The following GLIS1 variants were observed in gnomAD, a reference collection of about 807,000 sequenced individuals.
GLIS1 encodes the protein zinc finger protein GLIS1.
Under a neutral mutation model 63.8 loss-of-function variants are expected in GLIS1, and 24 were observed. The observed-to-expected ratio is 0.38, with a 90% CI of 0.27 to 0.53. GLIS1 has a LOEUF of 0.53. Among genes scored for constraint, GLIS1 ranks in the 20% least tolerant of loss-of-function variants. GLIS1 has a pLI of 0.85. For synonymous variants in GLIS1, 450 were observed against 482.5 expected (o/e 0.93, Z 0.88); for missense variants, 1,036 against 1,074.1 (o/e 0.96, Z 0.50).
intron 2 of GLIS1, among the ~76,000 whole-genome samples, chr1:53,713,816 G>C (rs1416978149): frequency 6.6e-6 from 1 of 152,228 alleles, no homozygotes; most frequent in Non-Finnish European, 1.5e-5. Flanking sequence ...GTAAAGGAAA[G>C]AGATAAAGGA....
intron 4 of GLIS1, among the ~76,000 whole-genome samples, chr1:53,552,236 C>T (rs1276483057): frequency 6.6e-6 from 1 of 152,140 alleles, no homozygotes; most frequent in Non-Finnish European, 1.5e-5. Context: ...ACCACACACC[C>T]CAACCCTAAG....
In GLIS1 at chr1:53,528,559, C is replaced by T. The variant is rs1231809188; in HGVS notation, c.1482+1232G>A. Among the ~76,000 whole-genome samples, 11 of 152,164 alleles carry T rather than the reference C, an allele frequency of 7.2e-5. No individual in the cohort carries two copies. In the East Asian group the frequency reaches 1.9e-3, roughly 27 times the overall value. On this transcript the variant is annotated intron_variant, in intron 5 of 10. Coordinates refer to ENST00000628545, the MANE Select transcript of GLIS1 (RefSeq NM_001367484.1). ...GATATACAGAGTGTCCCCCCCAGGG[C>T]CTGGCCTGGCCCCAAGAACATTGCT...
At chr1:53,612,534 C>G (rs1645435266) in intron 2 of GLIS1, among the ~76,000 whole-genome samples, 1 of 152,000 alleles carries the variant, frequency 6.6e-6, no homozygotes, top group Non-Finnish European at 1.5e-5. Context: ...GCCACCGCGC[C>G]TGGCCTGTTA....
rs1453982992 is a variant in GLIS1, at chr1:53,598,268, C to T, written c.437+1833G>A. 6.6e-6 allele frequency among the ~76,000 whole-genome samples: 1 copy of T among 152,182 alleles called. No individual in the cohort carries two copies. The highest frequency in any genetic ancestry group is 2.4e-5 in the African/African-American group (1 of 41,434). On this transcript the variant is annotated intron_variant, in intron 3 of 10. Coordinates refer to ENST00000628545, the MANE Select transcript of GLIS1 (RefSeq NM_001367484.1). The surrounding 1 kb of genome is among the most constrained non-coding windows in gnomAD (Gnocchi z 4.6). Reference sequence around the variant, plus strand: ...GTTCTTATAAGAAATGAGGGCCGGGCACGGTGGCTCACGCCTGTAATCCCA... The same window carrying T: ...GTTCTTATAAGAAATGAGGGCCGGGTACGGTGGCTCACGCCTGTAATCCCA...
intron 2 of GLIS1, among the ~76,000 whole-genome samples, chr1:53,707,198 A>C (rs1269945248): frequency 6.6e-6 from 1 of 152,156 alleles, no homozygotes; most frequent in East Asian, 1.9e-4. Context: ...AGAGGGGAGA[A>C]AGAAGATAAG....
At chr1:53,662,737 C>A (rs940724730) in intron 2 of GLIS1, among the ~76,000 whole-genome samples, 2 of 152,130 alleles carry the variant, frequency 1.3e-5, no homozygotes, top group African/African-American at 4.8e-5. Context: ...ACCTATGCCT[C>A]CTTCCCCACC....
chr1:53,599,984 C>G (rs1165591954), intron 3 of GLIS1, 117 bp downstream of exon 3: 1 of 505,666 alleles, frequency 2.0e-6, no homozygotes, highest in Non-Finnish European at 3.1e-6. Flanking sequence ...AGCTACGGGC[C>G]CCTCGTGCCT....
intron 6 of GLIS1, among the ~76,000 whole-genome samples, chr1:53,521,816 G>A (rs1011232713): frequency 6.6e-6 from 1 of 152,358 alleles, no homozygotes; most frequent in Middle Eastern, 3.4e-3. Flanking sequence ...GGAACAGGGT[G>A]AGGCCTTCAG....
intron 4 of GLIS1, among the ~76,000 whole-genome samples, chr1:53,564,956 G>A (rs1213534923): frequency 6.6e-6 from 1 of 151,790 alleles, no homozygotes; most frequent in African/African-American, 2.4e-5. Flanking sequence ...TTGATCTACT[G>A]AACAAAAACA....
At chr1:53,620,152 A>T (rs1645527404) in intron 2 of GLIS1, among the ~76,000 whole-genome samples, 1 of 152,220 alleles carries the variant, frequency 6.6e-6, no homozygotes, top group Admixed American at 6.5e-5. Flanking sequence ...TCATACCAGG[A>T]TTCGATGCAG....
chr1:53,665,544 G>A (rs561663853), intron 2 of GLIS1, among the ~76,000 whole-genome samples: 2 of 152,292 alleles, frequency 1.3e-5, no homozygotes, highest in African/African-American at 4.8e-5. Context: ...AGCTACTCAG[G>A]AGGCTGAGGG....
chr1:53,714,871 T>C (rs1419801991), intron 2 of GLIS1, among the ~76,000 whole-genome samples: 1 of 152,224 alleles, frequency 6.6e-6, no homozygotes, highest in Non-Finnish European at 1.5e-5. Context: ...CCATGGAGTT[T>C]TCCTTCTTAA....
chr1:53,733,916 G>A (rs751523250), intron 2 of GLIS1: 8 of 985,284 alleles, frequency 8.1e-6, no homozygotes, highest in African/African-American at 1.7e-5. Flanking sequence ...TTCTATGAGG[G>A]ATGCGCTAGC....
chr1:53,674,090 T>C (rs997618585), intron 2 of GLIS1, among the ~76,000 whole-genome samples: 3 of 150,832 alleles, frequency 2.0e-5, no homozygotes, highest in African/African-American at 7.3e-5. Flanking sequence ...AAGAATCGCT[T>C]GAACCTGGGA....
chr1:53,703,776 G>A (rs548932152), intron 2 of GLIS1, among the ~76,000 whole-genome samples: 1 of 152,146 alleles, frequency 6.6e-6, no homozygotes, highest in African/African-American at 2.4e-5. Flanking sequence ...CCTAACCCAA[G>A]GCATTCAGAG....
At chr1:53,669,931 G>A (rs1230591594) in intron 2 of GLIS1, among the ~76,000 whole-genome samples, 1 of 144,926 alleles carries the variant, frequency 6.9e-6, no homozygotes, top group East Asian at 2.2e-4. Flanking sequence ...ACAGCAGCTT[G>A]CAGCCCAGCC....
intron 7 of GLIS1, among the ~76,000 whole-genome samples, 187 bp downstream of exon 7, chr1:53,520,447 A>G (rs1405432066): frequency 1.3e-5 from 2 of 152,264 alleles, no homozygotes; most frequent in African/African-American, 4.8e-5. Flanking sequence ...TAGTTAGACG[A>G]GCTGCAGGGA....
At chr1:53,692,833 G>C (rs778934181) in intron 2 of GLIS1, among the ~76,000 whole-genome samples, 133 of 152,340 alleles carry the variant, frequency 8.7e-4, no homozygotes, top group Non-Finnish European at 1.6e-3. Flanking sequence ...TGCAGGCCCA[G>C]TTCTCTGGAT....
intron 1 of GLIS1, 128 bp from the exon 2 acceptor site, chr1:53,738,234 G>A: frequency 2.1e-6 from 1 of 481,070 alleles, no homozygotes; most frequent in Non-Finnish European, 3.3e-6. Flanking sequence ...TTAGCACCAC[G>A]ACACCTAGCC....
Sources: allele counts gnomAD v4.1 joint callset (sites outside exome capture counted in the v4.1 genomes callset), GRCh38; gene constraint gnomAD v4.1.1; non-coding constraint Gnocchi (gnomAD v3.1); transcripts MANE v1.5; gene names NCBI Gene and HGNC (gene_info 2026-07-23, HGNC 2026-07-21).